FOXN3: variants seen among roughly 807,000 people sequenced by gnomAD.
FOXN3 encodes forkhead box N3.
Under a neutral mutation model 38.4 loss-of-function variants are expected in FOXN3, and 7 were observed. The observed-to-expected ratio is 0.18, with a 90% CI of 0.10 to 0.34. The LOEUF (loss-of-function observed/expected upper bound fraction) is 0.34, where lower values mean the gene tolerates loss of function less well. FOXN3 is among the 10% of genes least tolerant of loss of function. The pLI is 1.00. For missense variants in FOXN3, 456 were observed against 613.4 expected (o/e 0.74, Z 2.71); for synonymous variants, 230 against 242.2 (o/e 0.95, Z 0.47).
At chr14:89,596,651 C>T (rs1596328341) in intron 1 of FOXN3, among the ~76,000 whole-genome samples, 1 of 152,216 alleles carries the variant, frequency 6.6e-6, no homozygotes, top group East Asian at 1.9e-4. Flanking sequence ...GTAAAACTAT[C>T]TGGATCTGAA....
chr14:89,388,173 G>C (rs1479283379), intron 2 of FOXN3, among the ~76,000 whole-genome samples: 1 of 152,210 alleles, frequency 6.6e-6, no homozygotes, highest in Non-Finnish European at 1.5e-5. Flanking sequence ...AACAGAACAA[G>C]ATTCCGTCTT....
Position 89,164,982 on chromosome 14 carries a change from G to C in FOXN3, c.852-2013C>G, listed in dbSNP as rs893809257. 2.6e-5 allele frequency among the ~76,000 whole-genome samples: 4 copies of C among 152,110 alleles called. No homozygotes were observed. Among genetic ancestry groups the C allele is most frequent in the African/African-American group, 4.8e-5 (2 of 41,408 alleles). On this transcript the variant is annotated intron_variant, in intron 5 of 5. Coordinates refer to ENST00000557258, the MANE Select transcript of FOXN3 (RefSeq NM_005197.4). This position sits in a 1 kb window ranked among gnomAD's most constrained non-coding sequence, Gnocchi z 4.3. ...TGGTATTTTGCTAAATTTAGGCTGG[G>C]GGAGAGACTCCGTACTGTCGTGTCC...
intron 1 of FOXN3, among the ~76,000 whole-genome samples, chr14:89,526,710 A>C (rs772546761): frequency 6.6e-6 from 1 of 152,174 alleles, no homozygotes; most frequent in African/African-American, 2.4e-5. Flanking sequence ...CCCAACAAAA[A>C]TCCCAACAGG....
chr14:89,236,856 T>A (rs1212873973), intron 4 of FOXN3, among the ~76,000 whole-genome samples: 1 of 152,228 alleles, frequency 6.6e-6, no homozygotes, highest in Admixed American at 6.5e-5. Flanking sequence ...AAGCATTGCA[T>A]CCTGATGCCA....
At chr14:89,194,524 C>T (rs543988947) in intron 4 of FOXN3, among the ~76,000 whole-genome samples, 8 of 152,114 alleles carry the variant, frequency 5.3e-5, no homozygotes, top group Non-Finnish European at 7.4e-5. Context: ...GGACTCTCTG[C>T]TAGAACGTCT....
chr14:89,484,280 A>C lies in FOXN3; in HGVS notation c.-14-71790T>G, dbSNP rs1169554153. On this transcript the variant is annotated intron_variant, in intron 1 of 6. Coordinates refer to the FOXN3 transcript ENST00000345097. This position sits in a 1 kb window ranked among gnomAD's most constrained non-coding sequence, Gnocchi z 4.0. ...AAACACTTACGTCACACAACTGCCT[A>C]GGCCAGGAGTTGGTAAGCTTTTCCC... 6.6e-6 allele frequency among the ~76,000 whole-genome samples: 1 copy of C among 152,218 alleles called. No individual in the cohort carries two copies. The highest frequency in any genetic ancestry group is 1.5e-5 in the Non-Finnish European group (1 of 68,038).
intron 1 of FOXN3, among the ~76,000 whole-genome samples, chr14:89,530,604 T>G (rs1596308898): frequency 6.6e-6 from 1 of 151,942 alleles, no homozygotes; most frequent in Non-Finnish European, 1.5e-5. Flanking sequence ...ATATATATTT[T>G]ATTTTATTTT....
intron 2 of FOXN3, among the ~76,000 whole-genome samples, chr14:89,367,356 C>T (rs1890189712): frequency 6.6e-6 from 1 of 152,368 alleles, no homozygotes; most frequent in South Asian, 2.1e-4. Context: ...ACACCGACTG[C>T]ACCCTGATGT....
intron 1 of FOXN3, among the ~76,000 whole-genome samples, chr14:89,522,182 A>G (rs1336980532): frequency 2.0e-5 from 3 of 152,186 alleles, no homozygotes; most frequent in African/African-American, 7.2e-5. Flanking sequence ...GTCAAATAAG[A>G]ATTTTATACC....
intron 1 of FOXN3, among the ~76,000 whole-genome samples, chr14:89,572,389 TAAG>T (rs1895513327): frequency 6.6e-6 from 1 of 152,238 alleles, no homozygotes; most frequent in Non-Finnish European, 1.5e-5. Context: ...TCTATTAGTA[TAAG>T]AAGAAAAGCT....
chr14:89,616,171 G>A (rs76293786), intron 1 of FOXN3, among the ~76,000 whole-genome samples: 5,798 of 152,068 alleles, frequency 0.038, 148 homozygotes, highest in Middle Eastern at 0.061. Flanking sequence ...CAGGGCCTCT[G>A]GTTATTTTTT....
intron 1 of FOXN3, among the ~76,000 whole-genome samples, chr14:89,416,457 C>T (rs895088538): frequency 6.6e-6 from 1 of 152,132 alleles, no homozygotes; most frequent in Non-Finnish European, 1.5e-5. Flanking sequence ...CGGGGGTCTC[C>T]GGAGACGTTC....
intron 4 of FOXN3, among the ~76,000 whole-genome samples, chr14:89,183,294 GA>G (rs1406051651): frequency 6.6e-6 from 1 of 152,158 alleles, no homozygotes; most frequent in East Asian, 1.9e-4. Flanking sequence ...CTGATATAAT[GA>G]ACCATGCTGA....
intron 1 of FOXN3, among the ~76,000 whole-genome samples, chr14:89,565,089 G>A (rs1261571318): frequency 3.1e-5 from 3 of 96,390 alleles, no homozygotes; most frequent in African/African-American, 1.4e-4. Flanking sequence ...AGGAGAGCTC[G>A]TCTCAAAAAA....
intron 1 of FOXN3, among the ~76,000 whole-genome samples, chr14:89,456,159 A>G (rs1440009874): frequency 7.2e-6 from 1 of 139,218 alleles, no homozygotes; most frequent in African/African-American, 2.7e-5. Context: ...ACGCCATTGC[A>G]CTCCAGCCCG....
chr14:89,511,207 C>T lies in FOXN3; in HGVS notation c.-14-98717G>A, dbSNP rs1392691816. On this transcript the variant is annotated intron_variant, in intron 1 of 6. Transcript: ENST00000345097. Reference sequence around the variant, plus strand: ...TTTCTTTCTTTTCTTTCTTTCTTTTCTTTCTTTCTTTCTTTCTTTCTTTTC... The same window carrying T: ...TTTCTTTCTTTTCTTTCTTTCTTTTTTTTCTTTCTTTCTTTCTTTCTTTTC... Among the ~76,000 whole-genome samples, 115 of 12,280 alleles carry T rather than the reference C, an allele frequency of 9.4e-3. 10 individuals are homozygous for T. The highest frequency in any genetic ancestry group is 0.014 in the Admixed American group (7 of 510). The allele number at this position is 12,280 out of a possible 152,430, so 8.1% of individuals were successfully genotyped here. A position where few individuals can be genotyped will look rare whatever the true frequency, so the allele number is the denominator to read the frequency against.
chr14:89,315,331 C>A (rs1887687525), intron 3 of FOXN3, among the ~76,000 whole-genome samples: 1 of 152,172 alleles, frequency 6.6e-6, no homozygotes, highest in African/African-American at 2.4e-5. Flanking sequence ...TAAATAAAAT[C>A]TTTAACGTCG....
At chr14:89,415,882 A>ACACACACACC (rs1491426672) in intron 1 of FOXN3, among the ~76,000 whole-genome samples, 1 of 135,002 alleles carries the variant, frequency 7.4e-6, no homozygotes, top group African/African-American at 2.6e-5. Context: ...ACACACACAC[A>ACACACACACC]CCCTCTTTTG....
chr14:89,198,351 G>A (rs1241024727), intron 4 of FOXN3, among the ~76,000 whole-genome samples: 2 of 152,080 alleles, frequency 1.3e-5, no homozygotes, highest in Non-Finnish European at 2.9e-5. Flanking sequence ...TTTATATCAG[G>A]GACTTGAACA....
Sources: allele counts gnomAD v4.1 joint callset (sites outside exome capture counted in the v4.1 genomes callset), GRCh38; gene constraint gnomAD v4.1.1; non-coding constraint Gnocchi (gnomAD v3.1); transcripts MANE v1.5; gene names NCBI Gene and HGNC (gene_info 2026-07-23, HGNC 2026-07-21).